The following GABRG3 variants were observed in gnomAD, a reference collection of about 807,000 sequenced individuals.
The protein encoded by GABRG3 is gamma-aminobutyric acid type A receptor subunit gamma3, also known as gamma-aminobutyric acid receptor subunit gamma-3.
In GABRG3, 25 loss-of-function variants were observed where a neutral mutation model predicts 48.8. That is an observed-to-expected ratio of 0.51 (90% CI 0.37 to 0.72). The LOEUF (loss-of-function observed/expected upper bound fraction) is 0.72. Ranked by LOEUF, GABRG3 falls within the 30% of genes least tolerant of loss-of-function variation. The pLI is 0.00. For synonymous variants in GABRG3, 227 were observed against 217.6 expected, an observed-to-expected ratio of 1.04 and a Z score of -0.38; for missense variants, 394 against 577.9, an observed-to-expected ratio of 0.68 and a Z score of 3.26.
chr15:27,166,421 G>GT (rs1169386185), intron 3 of GABRG3, among the ~76,000 whole-genome samples: 1 of 152,154 alleles, frequency 6.6e-6, no homozygotes, highest in Non-Finnish European at 1.5e-5. Context: ...TTTTAGAGTG[G>GT]TTTGTTATTT....
chr15:27,229,779 G>T (rs11855836), intron 3 of GABRG3, among the ~76,000 whole-genome samples: 25,149 of 152,036 alleles, frequency 0.17, 2,757 homozygotes, highest in East Asian at 0.41. Context: ...GCCCAGCTAT[G>T]TGCCTGTTTT....
chr15:27,236,744 C>G lies in GABRG3; in HGVS notation c.271-90065C>G, dbSNP rs889758189. On this transcript the variant is annotated intron_variant, in intron 3 of 9. Transcript: ENST00000615808. The surrounding 1 kb of genome is among the most constrained non-coding windows in gnomAD (Gnocchi z 4.4). The stretch of plus-strand genomic sequence containing the variant: ...GCTTCACCGTTTGACATCAGAGGGC[C>G]AAAAACTCTATCCTCGGATCATGCG... Among the ~76,000 whole-genome samples the G allele has an allele frequency of 1.3e-5, 2 of 152,184 alleles. No individual in the cohort carries two copies. Among genetic ancestry groups the G allele is most frequent in the African/African-American group, 4.8e-5 (2 of 41,450 alleles).
At chr15:27,072,724 A>G (rs8035567) in intron 3 of GABRG3, among the ~76,000 whole-genome samples, 31,388 of 152,044 alleles carry the variant, frequency 0.21, 3,400 homozygotes, top group Middle Eastern at 0.27. Flanking sequence ...TTGTTTCCAT[A>G]CCACCCACCA....
At chr15:27,367,258 G>T (rs530519492) in intron 5 of GABRG3, among the ~76,000 whole-genome samples, 1 of 152,286 alleles carries the variant, frequency 6.6e-6, no homozygotes, top group South Asian at 2.1e-4. Context: ...AGTTGTCCTA[G>T]ATATTTATTT....
rs1248604528 is a variant in GABRG3, at chr15:27,005,241, G to A, written c.203-21513G>A. On this transcript the variant is annotated intron_variant, in intron 2 of 9. Transcript: ENST00000615808. ...TTTTGAGATGGAGTCTCTCTCTGTC[G>A]CCAGGCTGGAGTGCGGTGGTGCAAT... Among the ~76,000 whole-genome samples, 5 of 150,994 alleles carry A rather than the reference G, an allele frequency of 3.3e-5. No homozygotes were observed. The East Asian group carries it at 7.8e-4, about 24-fold the overall frequency.
rs1209951073 is a variant in GABRG3 at position 27,236,742 on chromosome 15, G to C, written c.271-90067G>C. On this transcript the variant is annotated intron_variant, in intron 3 of 9. Transcript: ENST00000615808. This position sits in a 1 kb window ranked among gnomAD's most constrained non-coding sequence, Gnocchi z 4.4. ...CTGCTTCACCGTTTGACATCAGAGGGCCAAAAACTCTATCCTCGGATCATG... is the reference window on the plus strand; with the variant it reads ...CTGCTTCACCGTTTGACATCAGAGGCCCAAAAACTCTATCCTCGGATCATG... Among the ~76,000 whole-genome samples the C allele has an allele frequency of 6.6e-6, 1 of 152,296 alleles. No individual in the cohort carries two copies. Among genetic ancestry groups the C allele is most frequent in the Middle Eastern group, 3.4e-3 (1 of 294 alleles).
rs1566860454 is a variant in GABRG3, at chr15:27,480,725, G to A, written c.650G>A (p.Arg217Gln). 3.1e-6 allele frequency: 5 copies of A among 1,613,542 alleles called. No individual in the cohort carries two copies. The highest frequency in any genetic ancestry group is 2.2e-5 in the East Asian group (1 of 44,858). ...SVEAADQKSW[R>Q]LYQFDFMGLR... Reference sequence around the variant, plus strand: ...GAGGCAGCTGACCAGAAATCATGGCGGCTTTATCAGTTTGACTTCATGGGC... The same window carrying A: ...GAGGCAGCTGACCAGAAATCATGGCAGCTTTATCAGTTTGACTTCATGGGC... The change falls in exon 6 of 10, where the codon CGG (arginine) becomes CAG (glutamine). Residue 217 changes from arginine to glutamine, a missense_variant. Transcript: ENST00000615808.
At chr15:27,054,642 C>T (rs115199258) in intron 3 of GABRG3, among the ~76,000 whole-genome samples, 4 of 152,256 alleles carry the variant, frequency 2.6e-5, no homozygotes, top group Non-Finnish European at 4.4e-5. Flanking sequence ...GCCAGGACAA[C>T]GCAGAGCTGC....
intron 5 of GABRG3, among the ~76,000 whole-genome samples, chr15:27,337,290 T>G (rs1384166234): frequency 2.0e-5 from 3 of 152,172 alleles, no homozygotes; most frequent in Non-Finnish European, 4.4e-5. Flanking sequence ...ACCGATACAA[T>G]TTTAGATTTT....
intron 3 of GABRG3, among the ~76,000 whole-genome samples, chr15:27,130,225 G>A (rs1897892627): frequency 6.6e-6 from 1 of 151,994 alleles, no homozygotes; most frequent in Admixed American, 6.6e-5. Context: ...ATCAATTTTT[G>A]TATGTGGTGT....
intron 3 of GABRG3, among the ~76,000 whole-genome samples, chr15:27,311,525 C>T (rs574440223): frequency 1.3e-5 from 2 of 152,020 alleles, no homozygotes; most frequent in East Asian, 1.9e-4. Context: ...TGCAGCTAGT[C>T]GCCACAGCTT....
intron 1 of GABRG3, among the ~76,000 whole-genome samples, chr15:26,973,933 T>G (rs76799818): frequency 6.6e-6 from 1 of 152,180 alleles, no homozygotes; most frequent in Admixed American, 6.5e-5. Context: ...AAAGATTATA[T>G]ATAACTTACT....
Position 27,370,678 on chromosome 15 carries a change from C to T in GABRG3, c.574+41790C>T, listed in dbSNP as rs182543334. 1.6e-3 allele frequency among the ~76,000 whole-genome samples: 246 copies of T among 152,284 alleles called. 1 individual carries two copies. Among genetic ancestry groups the T allele is most frequent in the African/African-American group, 5.7e-3 (236 of 41,564 alleles). ...TAAAGAAATCACATGGTCTTTTCCCCATCAGTTACATTTCGATAAAACAAG... is the reference window on the plus strand; with the variant it reads ...TAAAGAAATCACATGGTCTTTTCCCTATCAGTTACATTTCGATAAAACAAG... On this transcript the variant is annotated intron_variant, in intron 5 of 9. Coordinates refer to ENST00000615808, the MANE Select transcript of GABRG3 (RefSeq NM_033223.5).
intron 6 of GABRG3, among the ~76,000 whole-genome samples, chr15:27,513,272 C>A (rs970375250): frequency 6.6e-6 from 1 of 151,878 alleles, no homozygotes; most frequent in Non-Finnish European, 1.5e-5. Flanking sequence ...ACGGTGAAAC[C>A]CTGTCTCTAC....
intron 2 of GABRG3, among the ~76,000 whole-genome samples, chr15:26,980,803 T>C (rs1895040545): frequency 6.6e-6 from 1 of 152,216 alleles, no homozygotes; most frequent in Admixed American, 6.5e-5. Context: ...TGGTATGTTG[T>C]ATTTTCATTT....
At chr15:27,532,326 C>A (rs892840683) in intron 9 of GABRG3, among the ~76,000 whole-genome samples, 1 of 151,682 alleles carries the variant, frequency 6.6e-6, no homozygotes, top group East Asian at 1.9e-4. Context: ...GCTTTGGAGT[C>A]CCCCTCCCTC....
At chr15:27,119,654 G>A (rs140316885) in intron 3 of GABRG3, among the ~76,000 whole-genome samples, 364 of 152,300 alleles carry the variant, frequency 2.4e-3, no homozygotes, top group Non-Finnish European at 4.2e-3. Flanking sequence ...AGTCTCAAAT[G>A]GGGATGAATG....
chr15:27,425,429 C>T (rs1377216261), intron 5 of GABRG3, among the ~76,000 whole-genome samples: 2 of 143,318 alleles, frequency 1.4e-5, no homozygotes, highest in African/African-American at 5.3e-5. Flanking sequence ...AAGGTGAAAC[C>T]GTGTCTCTAC....
chr15:27,341,965 CTG>C (rs1242025166), intron 5 of GABRG3, among the ~76,000 whole-genome samples: 1 of 152,230 alleles, frequency 6.6e-6, no homozygotes, highest in Non-Finnish European at 1.5e-5. Flanking sequence ...TCAGAGATGT[CTG>C]AGAATGTTGC....
Sources: allele counts gnomAD v4.1 joint callset (sites outside exome capture counted in the v4.1 genomes callset), GRCh38; gene constraint gnomAD v4.1.1; non-coding constraint Gnocchi (gnomAD v3.1); transcripts MANE v1.5; gene names NCBI Gene and HGNC (gene_info 2026-07-23, HGNC 2026-07-21).